Variants in XYLB observed in about 807,000 individuals in gnomAD.
XYLB encodes the protein xylulokinase.
A neutral mutation model predicts 78.7 loss-of-function variants in XYLB; 62 were observed. The observed-to-expected ratio is 0.79, with a 90% CI of 0.64 to 0.97. XYLB has a LOEUF of 0.97. XYLB is among the 50% of genes least tolerant of loss of function. The probability of loss-of-function intolerance (pLI) is 0.00; values close to 1 mark genes in which losing one functional copy is unlikely to be tolerated. For synonymous variants in XYLB, 245 were observed against 247.4 expected, an observed-to-expected ratio of 0.99 and a Z score of 0.09; for missense variants, 687 against 676.8, an observed-to-expected ratio of 1.02 and a Z score of -0.17.
the XYLB span, among the ~76,000 whole-genome samples, chr3:38,442,575 A>G: frequency 1.1e-4 from 17 of 152,252 alleles, no homozygotes; most frequent in African/African-American, 4.1e-4. Context: ...TTCCTCTGGT[A>G]TTTGAGAGAG....
chr3:38,375,436 G>C (rs1485926466), intron 12 of XYLB, among the ~76,000 whole-genome samples, 177 bp downstream of exon 12: 1 of 152,202 alleles, frequency 6.6e-6, no homozygotes, highest in Non-Finnish European at 1.5e-5. Flanking sequence ...TGACAGCAGA[G>C]CTGGGTGGGG....
chr3:38,419,346 G>A (rs1708898671), downstream of XYLB, among the ~76,000 whole-genome samples: 1 of 151,770 alleles, frequency 6.6e-6, no homozygotes, highest in Non-Finnish European at 1.5e-5. Flanking sequence ...TCACCTTTTG[G>A]TGATTGTAAA....
At position 38,376,090 on chromosome 3, in the gene XYLB, C is replaced by T. The variant is rs764695370; in HGVS notation, c.1005-27C>T. On this transcript the variant is annotated intron_variant, in intron 12 of 18. Transcript: ENST00000207870. ...TCCAGTCAGCAAGCACCAGCTCCCT[C>T]CCTCAGAGCTATGCCCTCTTCTGCA... 12 of 1,494,132 alleles carry T rather than the reference C, an allele frequency of 8.0e-6. No homozygotes were observed. The South Asian group carries it at 1.4e-4, about 17-fold the overall frequency. 92.6% of individuals were successfully genotyped at this position (1,494,132 alleles called of 1,614,324 possible).
chr3:38,348,358 C>T (rs1360436800), intron 1 of XYLB, among the ~76,000 whole-genome samples, 192 bp from the exon 2 acceptor site: 1 of 152,206 alleles, frequency 6.6e-6, no homozygotes, highest in African/African-American at 2.4e-5. Flanking sequence ...CTTCATTTTA[C>T]TAAATCTTTG....
At chr3:38,422,471 T>C (rs1295664499), downstream of XYLB, among the ~76,000 whole-genome samples, 1 of 152,170 alleles carries the variant, frequency 6.6e-6, no homozygotes, top group Non-Finnish European at 1.5e-5. Context: ...GGGAAAGAAA[T>C]TCAAAGGGTT....
At chr3:38,445,098 C>A in the XYLB span, among the ~76,000 whole-genome samples, 49 of 152,254 alleles carry the variant, frequency 3.2e-4, no homozygotes, top group African/African-American at 1.1e-3. Flanking sequence ...TGGGACCTTA[C>A]CCCTTTCCTA....
chr3:38,379,888 G>T lies in XYLB; in HGVS notation c.1291+546G>T, dbSNP rs148532564. Among the ~76,000 whole-genome samples, 371 of 152,294 alleles carry T rather than the reference G, an allele frequency of 2.4e-3. 3 individuals are homozygous for T. The highest frequency in any genetic ancestry group is 8.6e-3 in the African/African-American group (356 of 41,550). On this transcript the variant is annotated intron_variant, in intron 15 of 18. Coordinates refer to ENST00000207870, the MANE Select transcript of XYLB (RefSeq NM_005108.4). ...GTTCCTGGGTAATTTATAAGGAAAA[G>T]AAATTTATTTCTTACAGTTATGGAG...
chr3:38,438,644 AGC>A, the XYLB span, among the ~76,000 whole-genome samples: 8 of 152,262 alleles, frequency 5.3e-5, no homozygotes, highest in Non-Finnish European at 1.2e-4. Flanking sequence ...CAGCTCATAA[AGC>A]TGGCATGGAC....
chr3:38,429,759 A>C, the XYLB span, among the ~76,000 whole-genome samples: 2 of 152,002 alleles, frequency 1.3e-5, no homozygotes, highest in African/African-American at 4.8e-5. Context: ...CCCTGTGTCC[A>C]AGTGTTCCCA....
chr3:38,441,944 G>T, the XYLB span, among the ~76,000 whole-genome samples: 6 of 152,064 alleles, frequency 3.9e-5, no homozygotes, highest in African/African-American at 7.3e-5. Flanking sequence ...CTTGTACTAG[G>T]GCCTGCTTTA....
At chr3:38,422,933 CAAGT>C (rs1374480016), downstream of XYLB, among the ~76,000 whole-genome samples, 5 of 152,096 alleles carry the variant, frequency 3.3e-5, no homozygotes, top group Non-Finnish European at 7.4e-5. Context: ...AAATGGTTAA[CAAGT>C]AAGCCAATTT....
chr3:38,369,458 C>T (rs1469702568), intron 8 of XYLB, among the ~76,000 whole-genome samples: 4 of 152,210 alleles, frequency 2.6e-5, no homozygotes, highest in Non-Finnish European at 4.4e-5. Context: ...GTCACCTCCT[C>T]ATTTCACCTG....
intron 18 of XYLB, among the ~76,000 whole-genome samples, chr3:38,412,543 C>T (rs1708637381): frequency 6.6e-6 from 1 of 152,142 alleles, no homozygotes; most frequent in Non-Finnish European, 1.5e-5. Flanking sequence ...CTTAGGAGAG[C>T]TTCACCAAAG....
At chr3:38,379,188 C>G in intron 14 of XYLB, 58 bp from the exon 15 acceptor site, 1 of 1,545,454 alleles carries the variant, frequency 6.5e-7, no homozygotes, top group Non-Finnish European at 8.9e-7. Context: ...CACACACATA[C>G]ACACACGAAT....
intron 7 of XYLB, 120 bp downstream of exon 7, chr3:38,366,993 A>G (rs1706301138): frequency 4.4e-6 from 3 of 678,888 alleles, no homozygotes; most frequent in African/African-American, 1.8e-5. Flanking sequence ...TTAACAAATG[A>G]TATATTTGAT....
intron 18 of XYLB, among the ~76,000 whole-genome samples, chr3:38,411,457 C>A (rs952808939): frequency 6.6e-6 from 1 of 151,960 alleles, no homozygotes; most frequent in African/African-American, 2.4e-5. Context: ...GTGCAGCACA[C>A]CAGCATGGCA....
At chr3:38,431,457 C>T in the XYLB span, among the ~76,000 whole-genome samples, 12 of 152,254 alleles carry the variant, frequency 7.9e-5, no homozygotes, top group South Asian at 1.0e-3. Flanking sequence ...GGGGCTGAGA[C>T]GATGGGGTTT....
the XYLB span, chr3:38,451,781 G>A: frequency 1.3e-5 from 2 of 152,208 alleles, no homozygotes; most frequent in African/African-American, 4.8e-5. Flanking sequence ...GGAAAATGAG[G>A]ACTTCTGCTT....
At chr3:38,422,432 A>G (rs1709007598), downstream of XYLB, among the ~76,000 whole-genome samples, 1 of 152,228 alleles carries the variant, frequency 6.6e-6, no homozygotes, top group Non-Finnish European at 1.5e-5. Context: ...AATTACTGAT[A>G]AACATCCTAC....
Sources: allele counts gnomAD v4.1 joint callset (sites outside exome capture counted in the v4.1 genomes callset), GRCh38; gene constraint gnomAD v4.1.1; transcripts MANE v1.5; gene names NCBI Gene and HGNC (gene_info 2026-07-23, HGNC 2026-07-21).